Variants in SPAG16 observed in about 807,000 individuals in gnomAD.
SPAG16 encodes sperm-associated antigen 16 protein.
In SPAG16, 86 loss-of-function variants were observed where a neutral mutation model predicts 80.4. The ratio of observed to expected loss-of-function variants is 1.07; its 90% CI spans 0.90 to 1.28. SPAG16 has a LOEUF of 1.28. Ranked by LOEUF, SPAG16 falls within the 50% of genes most tolerant of loss-of-function variation. SPAG16 has a pLI of 0.00. For missense variants in SPAG16, 870 were observed against 765.3 expected (o/e 1.14, Z -1.61); for synonymous variants, 294 against 265.9 (o/e 1.11, Z -1.03).
At chr2:214,175,777 A>T (rs911524770) in intron 15 of SPAG16, among the ~76,000 whole-genome samples, 6 of 151,570 alleles carry the variant, frequency 4.0e-5, no homozygotes, top group African/African-American at 1.5e-4. Flanking sequence ...CTGATAAATC[A>T]TTATAATCAG....
Position 214,410,152 on chromosome 2 carries a change from C to G in SPAG16, c.1733C>G (p.Ala578Gly), listed in dbSNP as rs753494490. ...VNFDSSGRVL[A>G]QASGNGVIHL... Reference sequence around the variant, plus strand: ...CTGTCTCCCTCAGGTCGAGTTTTAGCTCAGGCAAGTGGCAATGGTGTTATC... The same window carrying G: ...CTGTCTCCCTCAGGTCGAGTTTTAGGTCAGGCAAGTGGCAATGGTGTTATC... The change falls in exon 16 of 16, where the codon GCT becomes GGT. Residue 578 changes from alanine (A) to glycine (G), a missense_variant. Coordinates refer to ENST00000331683, the MANE Select transcript of SPAG16 (RefSeq NM_024532.5). 2.5e-6 allele frequency: 4 copies of G among 1,613,862 alleles called. 1 individual carries two copies. In the South Asian group the frequency reaches 4.4e-5, roughly 18 times the overall value.
chr2:213,470,934 A>G (rs1242256304), intron 9 of SPAG16, among the ~76,000 whole-genome samples: 1 of 152,350 alleles, frequency 6.6e-6, no homozygotes, highest in South Asian at 2.1e-4. Context: ...CTGCTTCCAC[A>G]TCCCTGATCA....
intron 10 of SPAG16, among the ~76,000 whole-genome samples, chr2:213,493,396 A>G (rs1159837797): frequency 6.6e-6 from 1 of 152,184 alleles, no homozygotes; most frequent in Non-Finnish European, 1.5e-5. Context: ...ATGTATTACT[A>G]GTTTGCATTT....
chr2:213,864,596 T>C (rs1044362506), intron 11 of SPAG16, among the ~76,000 whole-genome samples: 1 of 152,244 alleles, frequency 6.6e-6, no homozygotes, highest in East Asian at 1.9e-4. Flanking sequence ...ACATATACTT[T>C]TTCTTATTTT....
At chr2:214,112,304 A>G (rs1220869930) in intron 14 of SPAG16, among the ~76,000 whole-genome samples, 1 of 152,028 alleles carries the variant, frequency 6.6e-6, no homozygotes, top group African/African-American at 2.4e-5. Context: ...TGGGGTGGAG[A>G]GTTCTGTAGA....
intron 10 of SPAG16, among the ~76,000 whole-genome samples, chr2:213,737,153 G>A (rs1378407135): frequency 1.3e-5 from 2 of 152,084 alleles, no homozygotes. Flanking sequence ...GAAAATCTAT[G>A]AATTGTGATT....
At chr2:213,356,878 G>A (rs1043652218) in intron 7 of SPAG16, among the ~76,000 whole-genome samples, 9 of 152,002 alleles carry the variant, frequency 5.9e-5, no homozygotes, top group African/African-American at 1.9e-4. Flanking sequence ...TTTCTCTTGC[G>A]GGTATTTAGT....
At chr2:213,780,251 A>G (rs867194508) in intron 10 of SPAG16, among the ~76,000 whole-genome samples, 9 of 152,204 alleles carry the variant, frequency 5.9e-5, no homozygotes, top group South Asian at 2.1e-4. Context: ...TACCTTTACT[A>G]TCACATGGCA....
intron 11 of SPAG16, among the ~76,000 whole-genome samples, chr2:213,884,379 C>G (rs920553300): frequency 6.6e-6 from 1 of 152,100 alleles, no homozygotes; most frequent in Admixed American, 6.5e-5. Context: ...AGGTCTGGTG[C>G]TAGTTTCTTC....
chr2:213,462,390 G>C lies in SPAG16; in HGVS notation c.943-27573G>C, dbSNP rs143015905. On this transcript the variant is annotated intron_variant, in intron 9 of 15. Coordinates refer to ENST00000331683, the MANE Select transcript of SPAG16 (RefSeq NM_024532.5). ...TCTAGAAATTGGATGGCTTCCCATT[G>C]TAAGCCTTTTTGAGGTGTTGGACAC... Among the ~76,000 whole-genome samples, 452 of 152,344 alleles carry C rather than the reference G, an allele frequency of 3.0e-3. 2 individuals are homozygous for C. The highest frequency in any genetic ancestry group is 5.4e-3 in the Non-Finnish European group (366 of 68,038).
chr2:214,337,825 CT>C (rs1039215498), intron 15 of SPAG16, among the ~76,000 whole-genome samples: 1 of 152,070 alleles, frequency 6.6e-6, no homozygotes, highest in African/African-American at 2.4e-5. Context: ...CTTTTATCTT[CT>C]TTTTTTAGGC....
intron 15 of SPAG16, among the ~76,000 whole-genome samples, chr2:214,321,022 T>G (rs778102444): frequency 6.6e-6 from 1 of 152,196 alleles, no homozygotes; most frequent in East Asian, 1.9e-4. Flanking sequence ...GTTGATATAT[T>G]AGTATAAATA....
intron 3 of SPAG16, among the ~76,000 whole-genome samples, chr2:213,299,681 C>T (rs72935161): frequency 0.013 from 2,015 of 151,944 alleles, 23 homozygotes; most frequent in Middle Eastern, 0.024. Context: ...TTGATACTAT[C>T]CGTTTTCTTA....
chr2:213,347,086 A>T (rs545219581), intron 6 of SPAG16, among the ~76,000 whole-genome samples: 1 of 152,188 alleles, frequency 6.6e-6, no homozygotes, highest in East Asian at 1.9e-4. Flanking sequence ...CTATTCAGAG[A>T]TTCAACTTCT....
chr2:214,338,065 A>G (rs985137808), intron 15 of SPAG16, among the ~76,000 whole-genome samples: 2 of 152,214 alleles, frequency 1.3e-5, no homozygotes, highest in African/African-American at 4.8e-5. Flanking sequence ...TAAAAATTAT[A>G]TATAGGTGAA....
At position 213,558,704 on chromosome 2, in the gene SPAG16, C is replaced by T. The variant is rs556388912; in HGVS notation, c.1070+68614C>T. Among the ~76,000 whole-genome samples the T allele has an allele frequency of 2.0e-5, 3 of 152,056 alleles. No homozygotes were observed. The South Asian group carries it at 6.2e-4, about 32-fold the overall frequency. On this transcript the variant is annotated intron_variant, in intron 10 of 15. Coordinates refer to ENST00000331683, the MANE Select transcript of SPAG16 (RefSeq NM_024532.5). ...AATCAGATGGTATAATACTTTTGGT[C>T]CTAATTTGGCTATTTTTGGAAATTC...
In SPAG16 at chr2:213,602,620, G is replaced by C. The variant is rs185728763; in HGVS notation, c.1070+112530G>C. Among the ~76,000 whole-genome samples the C allele has an allele frequency of 1.0e-3, 158 of 152,310 alleles. 1 individual carries two copies. Among genetic ancestry groups the C allele is most frequent in the Middle Eastern group, 3.4e-3 (1 of 294 alleles). On this transcript the variant is annotated intron_variant, in intron 10 of 15. Transcript: ENST00000331683. ...CTGTGCTCCAGCCTGGCAACAGAGCGAGACTCCGTCTCACAAAACAAAAAA... is the reference window on the plus strand; with the variant it reads ...CTGTGCTCCAGCCTGGCAACAGAGCCAGACTCCGTCTCACAAAACAAAAAA...
intron 15 of SPAG16, among the ~76,000 whole-genome samples, chr2:214,179,639 A>G (rs1283307274): frequency 1.3e-5 from 2 of 151,434 alleles, no homozygotes; most frequent in Admixed American, 6.6e-5. Flanking sequence ...AATAAAATGA[A>G]TCCGATAGAC....
chr2:213,905,278 T>C (rs1364457525), intron 11 of SPAG16, among the ~76,000 whole-genome samples: 2 of 152,246 alleles, frequency 1.3e-5, no homozygotes, highest in African/African-American at 4.8e-5. Context: ...GATATGCTAT[T>C]TCTCAAGGTT....
Sources: gnomAD v4.1 joint callset for allele counts (sites outside exome capture counted in the v4.1 genomes callset) on GRCh38, gnomAD v4.1.1 for gene constraint, MANE v1.5 for transcripts, NCBI Gene and HGNC (gene_info 2026-07-23, HGNC 2026-07-21) for gene names.